TTC28: variants seen among roughly 807,000 people sequenced by gnomAD.
The protein encoded by TTC28 is tetratricopeptide repeat protein 28.
Under a neutral mutation model 198.0 loss-of-function variants are expected in TTC28, and 61 were observed. The ratio of observed to expected loss-of-function variants is 0.31; its 90% CI spans 0.25 to 0.38. The LOEUF is 0.38. Ranked by LOEUF, TTC28 falls within the 10% of genes least tolerant of loss-of-function variation. The pLI is 1.00. For missense variants in TTC28, 2,678 were observed against 3,164.0 expected (o/e 0.85, Z 3.69); for synonymous variants, 1,171 against 1,297.8 (o/e 0.90, Z 2.10).
chr22:28,118,995 T>C (rs1356524505), intron 6 of TTC28, among the ~76,000 whole-genome samples: 1 of 152,222 alleles, frequency 6.6e-6, no homozygotes, highest in African/African-American at 2.4e-5. Flanking sequence ...TGGTAATTGG[T>C]GTGTCCCCTG....
At chr22:28,621,599 T>C in intron 2 of TTC28, among the ~76,000 whole-genome samples, 1 of 150,920 alleles carries the variant, frequency 6.6e-6, no homozygotes, top group Non-Finnish European at 1.5e-5. Context: ...AAAAAATAGC[T>C]AGGTATGATG....
intron 2 of TTC28, among the ~76,000 whole-genome samples, chr22:28,601,024 CA>C (rs1422345481): frequency 6.6e-6 from 1 of 152,114 alleles, no homozygotes; most frequent in African/African-American, 2.4e-5. Flanking sequence ...ACCATTTTTA[CA>C]TTAACTTCTC....
chr22:28,465,984 C>T (rs950030712), intron 2 of TTC28, among the ~76,000 whole-genome samples: 1 of 152,162 alleles, frequency 6.6e-6, no homozygotes, highest in Non-Finnish European at 1.5e-5. Context: ...TGCTTATATC[C>T]CACTGACCAG....
At chr22:28,642,008 G>C (rs933189552) in intron 1 of TTC28, among the ~76,000 whole-genome samples, 4 of 152,072 alleles carry the variant, frequency 2.6e-5, no homozygotes, top group African/African-American at 9.7e-5. Flanking sequence ...CATTTAACAA[G>C]CTCCTGATGG....
At chr22:28,442,024 T>C (rs765377083) in intron 2 of TTC28, among the ~76,000 whole-genome samples, 4 of 151,966 alleles carry the variant, frequency 2.6e-5, no homozygotes, top group Non-Finnish European at 4.4e-5. Context: ...AAGCTGTCTT[T>C]CTCCCTCGAC....
At chr22:28,220,675 T>A (rs1250532771) in intron 5 of TTC28, among the ~76,000 whole-genome samples, 1 of 152,202 alleles carries the variant, frequency 6.6e-6, no homozygotes, top group Non-Finnish European at 1.5e-5. Context: ...TACATAATCA[T>A]ATACACAAAA....
intron 5 of TTC28, among the ~76,000 whole-genome samples, chr22:28,174,268 A>G (rs1245174861): frequency 6.6e-6 from 1 of 152,256 alleles, no homozygotes; most frequent in African/African-American, 2.4e-5. Flanking sequence ...TAAATAATAC[A>G]GTATTTATAA....
intron 2 of TTC28, among the ~76,000 whole-genome samples, chr22:28,514,049 T>A (rs913151303): frequency 2.6e-5 from 4 of 152,168 alleles, no homozygotes; most frequent in African/African-American, 9.6e-5. Flanking sequence ...ATTTGATTTT[T>A]AGTAAGGACA....
intron 5 of TTC28, among the ~76,000 whole-genome samples, chr22:28,250,250 CTTTT>C (rs1480325371): frequency 6.6e-6 from 1 of 152,160 alleles, no homozygotes; most frequent in African/African-American, 2.4e-5. Context: ...TGAGGTTTTT[CTTTT>C]TAATGTCCTG....
At chr22:28,591,775 ATTT>A (rs529924610) in intron 2 of TTC28, among the ~76,000 whole-genome samples, 1 of 151,996 alleles carries the variant, frequency 6.6e-6, no homozygotes, top group African/African-American at 2.4e-5. Flanking sequence ...TGACTCAAAG[ATTT>A]TTTTTAATTC....
chr22:28,409,776 C>A (rs985887123), intron 2 of TTC28, among the ~76,000 whole-genome samples: 1 of 151,540 alleles, frequency 6.6e-6, no homozygotes, highest in African/African-American at 2.4e-5. Context: ...CCTGCCCCAG[C>A]CTCCCGAGTA....
chr22:28,210,698 A>G (rs1926859881), intron 5 of TTC28, among the ~76,000 whole-genome samples: 1 of 152,186 alleles, frequency 6.6e-6, no homozygotes, highest in Non-Finnish European at 1.5e-5. Context: ...GAATGGAACC[A>G]AGTTGGAAAA....
intron 2 of TTC28, among the ~76,000 whole-genome samples, chr22:28,527,752 C>G (rs2049035428): frequency 6.6e-6 from 1 of 152,166 alleles, no homozygotes; most frequent in South Asian, 2.1e-4. Context: ...CCTCCCACCT[C>G]AACCTCTTGA....
Position 27,979,997 on chromosome 22 carries a change from A to G in TTC28, c.*2224T>C, listed in dbSNP as rs1280514165. On this transcript the variant is annotated 3_prime_UTR_variant, in exon 23 of 23. Coordinates refer to ENST00000397906, the MANE Select transcript of TTC28 (RefSeq NM_001145418.2). The stretch of plus-strand genomic sequence containing the variant: ...CCATGAGTAACTCCTAGCTGGCTCA[A>G]TAACCACAGGAAGCGGCAGGGTGGT... 6.6e-6 allele frequency: 1 copy of G among 152,266 alleles called. No homozygotes were observed. The highest frequency in any genetic ancestry group is 2.4e-5 in the African/African-American group (1 of 41,460). 9.4% of individuals were successfully genotyped at this position (152,266 alleles called of 1,614,324 possible).
At chr22:28,265,431 T>C (rs891781698) in intron 5 of TTC28, among the ~76,000 whole-genome samples, 3 of 152,278 alleles carry the variant, frequency 2.0e-5, no homozygotes, top group East Asian at 1.9e-4. Context: ...ATGTTTTCTC[T>C]AAGAAGGCAC....
In TTC28 at chr22:27,981,434, C is replaced by CA. The variant is rs1197597283; in HGVS notation, c.*786dup. The stretch of plus-strand genomic sequence containing the variant: ...TAAAACCAAGTTGTTTATCCATATA[C>CA]AAAAAAGGTCAATAATGTTTTAAAA... On this transcript the variant is annotated 3_prime_UTR_variant, in exon 23 of 23. Coordinates refer to ENST00000397906, the MANE Select transcript of TTC28 (RefSeq NM_001145418.2). The CA allele has an allele frequency of 1.3e-5, 2 of 151,380 alleles. No individual in the cohort carries two copies. The highest frequency in any genetic ancestry group is 2.4e-5 in the African/African-American group (1 of 41,214). 9.4% of individuals were successfully genotyped at this position (151,380 alleles called of 1,614,324 possible). A position where few individuals can be genotyped will look rare whatever the true frequency, so the allele number is the denominator to read the frequency against.
intron 2 of TTC28, among the ~76,000 whole-genome samples, chr22:28,379,723 A>G (rs778102499): frequency 2.6e-5 from 4 of 152,208 alleles, no homozygotes; most frequent in African/African-American, 7.2e-5. Context: ...TACATTTAAC[A>G]CTGCTGAACT....
intron 2 of TTC28, among the ~76,000 whole-genome samples, chr22:28,617,255 C>T (rs750630457): frequency 6.6e-6 from 1 of 151,306 alleles, no homozygotes; most frequent in Non-Finnish European, 1.5e-5. Context: ...AATCCCAGCA[C>T]TTTGGGAGGC....
chr22:28,099,163 T>G, intron 9 of TTC28, 119 bp from the exon 10 acceptor site: 1 of 1,377,536 alleles, frequency 7.3e-7, no homozygotes, highest in Non-Finnish European at 9.7e-7. Flanking sequence ...TTTACAGATT[T>G]GAAAGGAAGA....
Sources: gnomAD v4.1 joint callset for allele counts (sites outside exome capture counted in the v4.1 genomes callset) on GRCh38, gnomAD v4.1.1 for gene constraint, MANE v1.5 for transcripts, NCBI Gene and HGNC (gene_info 2026-07-23, HGNC 2026-07-21) for gene names.